The following PRKDC variants were observed in gnomAD, a reference collection of about 807,000 sequenced individuals.
The protein encoded by PRKDC is protein kinase, DNA-activated, catalytic subunit.
In PRKDC, 82 loss-of-function variants were observed where a neutral mutation model predicts 486.9. The observed-to-expected ratio is 0.17, with a 90% confidence interval of 0.14 to 0.20. The LOEUF is 0.20. Ranked by LOEUF, PRKDC falls within the 10% of genes least tolerant of loss-of-function variation. PRKDC has a pLI of 1.00. For missense variants in PRKDC, 4,504 were observed against 5,038.2 expected (o/e 0.89, Z 3.21); for synonymous variants, 1,895 against 1,837.0 (o/e 1.03, Z -0.81).
Position 47,960,087 on chromosome 8 carries a change from G to C in PRKDC, c.40C>G (p.Arg14Gly). Reference sequence around the variant, plus strand: ...GCAGCGGACAAGGTCTCCTGCAGCCGCAGCAGGGAGCAACGCACACCGGCT... The same window carrying C: ...GCAGCGGACAAGGTCTCCTGCAGCCCCAGCAGGGAGCAACGCACACCGGCT... The part of the protein sequence containing the change: ...SGAGVRCSLL[R>G]LQETLSAADR... The change falls in exon 1 of 86, where the codon CGG becomes GGG. Residue 14 changes from arginine (R) to glycine (G), a missense_variant. Arg to Gly is a moderately radical substitution (Grantham distance 125). Coordinates refer to ENST00000314191, the MANE Select transcript of PRKDC (RefSeq NM_006904.7). 6.5e-7 allele frequency: 1 copy of C among 1,528,808 alleles called. No homozygotes were observed. 94.7% of individuals were successfully genotyped at this position (1,528,808 alleles called of 1,614,324 possible).
chr8:47,815,082 C>T (rs963516416), intron 68 of PRKDC, among the ~76,000 whole-genome samples: 1 of 152,140 alleles, frequency 6.6e-6, no homozygotes, highest in Non-Finnish European at 1.5e-5. Context: ...GGGAGGACTG[C>T]TTAAACCTGG....
intron 17 of PRKDC, 104 bp from the exon 18 acceptor site, chr8:47,930,116 C>T (rs1232603642): frequency 1.0e-6 from 1 of 961,572 alleles, no homozygotes; most frequent in Non-Finnish European, 1.5e-6. Context: ...CATCACGTAA[C>T]ATTTTGAGGT....
intron 7 of PRKDC, among the ~76,000 whole-genome samples, chr8:47,949,326 C>T (rs1233334516): frequency 6.6e-6 from 1 of 152,206 alleles, no homozygotes; most frequent in Non-Finnish European, 1.5e-5. Context: ...CTCCTAACCA[C>T]GCAAGTCACT....
chr8:47,861,392 G>A (rs1358940637), intron 44 of PRKDC, among the ~76,000 whole-genome samples: 1 of 152,196 alleles, frequency 6.6e-6, no homozygotes, highest in Non-Finnish European at 1.5e-5. Flanking sequence ...TGCTAATTTT[G>A]TTGTTTTTTA....
In PRKDC at chr8:47,932,980, C is replaced by T. The variant is rs968935590; in HGVS notation, c.1776+40G>A. On this transcript the variant is annotated intron_variant, in intron 16 of 85. Transcript: ENST00000314191. ...TATTTATATGCAAAGACAGCTGATACAAAAATGATGAAAAATTACTACTGA... is the reference window on the plus strand; with the variant it reads ...TATTTATATGCAAAGACAGCTGATATAAAAATGATGAAAAATTACTACTGA... The T allele has an allele frequency of 2.6e-6, 4 of 1,519,764 alleles. No individual in the cohort carries two copies. In the South Asian group the frequency reaches 3.8e-5, roughly 15 times the overall value. The allele number at this position is 1,519,764 out of a possible 1,614,324, so 94.1% of individuals were successfully genotyped here.
At chr8:47,799,179 T>C (rs189633984) in intron 72 of PRKDC, 31 bp downstream of exon 72, 246 of 1,612,408 alleles carry the variant, frequency 1.5e-4, no homozygotes, top group Non-Finnish European at 1.6e-4. Context: ...GCTGACATAA[T>C]GGAACACTAG....
At chr8:47,890,534 G>C (rs1380881743) in intron 31 of PRKDC, 54 bp from the exon 32 acceptor site, 2 of 1,351,384 alleles carry the variant, frequency 1.5e-6, no homozygotes, top group Non-Finnish European at 2.0e-6. Flanking sequence ...ACTCCACTAA[G>C]ATTAACATAA....
At chr8:47,928,791 C>T (rs932786963) in intron 19 of PRKDC, among the ~76,000 whole-genome samples, 2 of 152,114 alleles carry the variant, frequency 1.3e-5, no homozygotes, top group Non-Finnish European at 2.9e-5. Context: ...TCAATCAGTT[C>T]TCCTGCCTCA....
Position 47,887,621 on chromosome 8 carries a change from G to C in PRKDC, c.4498C>G (p.Leu1500Val), listed in dbSNP as rs769975720. The change falls in exon 35 of 86, where the codon CTG becomes GTG. Residue 1500 changes from leucine (L) to valine (V), a missense_variant. By Grantham distance (32) the Leu-to-Val change is conservative. This residue lies in a region of PRKDC where 1,969 missense variants were observed against 2,068.9 expected (regional missense o/e 0.95). Coordinates refer to ENST00000314191, the MANE Select transcript of PRKDC (RefSeq NM_006904.7). ...GIAPGDERQC[L>V]PSLDLSCKQL... Reference sequence around the variant, plus strand: ...TTACAACTGAGGTCTAGAGAAGGCAGACACTGTCTCTCATCTCCAGGGGCA... The same window carrying C: ...TTACAACTGAGGTCTAGAGAAGGCACACACTGTCTCTCATCTCCAGGGGCA... The C allele has an allele frequency of 6.2e-7, 1 of 1,605,662 alleles. No homozygotes were observed. The highest frequency in any genetic ancestry group is 8.5e-7 in the Non-Finnish European group (1 of 1,176,086).
In PRKDC at chr8:47,900,421, T is replaced by C. The variant is rs187301050; in HGVS notation, c.3316A>G (p.Ile1106Val). 1 of 1,611,956 alleles carries C rather than the reference T, an allele frequency of 6.2e-7. No individual in the cohort carries two copies. The highest frequency in any genetic ancestry group is 1.3e-5 in the African/African-American group (1 of 75,016). ...GCTAAGGCCAGACTCTCCATGTATA[T>C]CACCAAGGCTTCAAACACAAACTGT... ...VEQFVFEALV[I>V]YMESLALAHA... Residue 1106 changes from isoleucine to valine, a missense_variant, in exon 28 of 86, where the codon ATA (isoleucine) becomes GTA (valine). Ile to Val is a conservative substitution (Grantham distance 29, BLOSUM62 3). Transcript: ENST00000314191.
In PRKDC at chr8:47,909,215, G is replaced by C. The variant is rs147442090; in HGVS notation, c.2934+3195C>G. ...TCAGGGACCCCACACGGAGGGACCG[G>C]TTGGAGCCGAGGCAGAAGAACGTAA... is the stretch of plus-strand genomic sequence containing the variant. On this transcript the variant is annotated intron_variant, in intron 25 of 85. Coordinates refer to ENST00000314191, the MANE Select transcript of PRKDC (RefSeq NM_006904.7). Among the ~76,000 whole-genome samples the C allele has an allele frequency of 5.3e-5, 8 of 152,336 alleles. No homozygotes were observed. The East Asian group carries it at 1.5e-3, about 29-fold the overall frequency.
At chr8:47,953,577 T>C (rs377512528) in intron 7 of PRKDC, 43 bp downstream of exon 7, 57 of 1,522,974 alleles carry the variant, frequency 3.7e-5, no homozygotes, top group Non-Finnish European at 4.6e-5. Flanking sequence ...TGGTTAGACT[T>C]ACAGTTTTTG....
At chr8:47,853,976 T>C (rs1030499946) in intron 51 of PRKDC, 107 bp downstream of exon 51, 2 of 1,393,610 alleles carry the variant, frequency 1.4e-6, no homozygotes, top group East Asian at 2.5e-5. Flanking sequence ...CCAGAAACAT[T>C]TGTAGCATGG....
Position 47,815,445 on chromosome 8 carries a change from A to G in PRKDC, c.9557+2005T>C, listed in dbSNP as rs796837573. Reference sequence around the variant, plus strand: ...TTCTTCCAGTGCATCAGAGACCTCAATGTAAGACCTAAAACCATAACATTT... The same window carrying G: ...TTCTTCCAGTGCATCAGAGACCTCAGTGTAAGACCTAAAACCATAACATTT... On this transcript the variant is annotated intron_variant, in intron 68 of 85. Transcript: ENST00000314191. 4.3e-4 allele frequency among the ~76,000 whole-genome samples: 65 copies of G among 152,352 alleles called. 1 individual carries two copies. Among genetic ancestry groups the G allele is most frequent in the African/African-American group, 1.5e-3 (61 of 41,586 alleles).
intron 14 of PRKDC, 47 bp from the exon 15 acceptor site, chr8:47,934,137 AGCAGCACTGCTG>A: frequency 6.4e-7 from 1 of 1,555,242 alleles, no homozygotes. Flanking sequence ...GATTCTCAGA[AGCAGCACTGCTG>A]CCAGAACATG....
chr8:47,845,933 G>A (rs535904072), intron 54 of PRKDC, among the ~76,000 whole-genome samples: 9 of 152,250 alleles, frequency 5.9e-5, no homozygotes, highest in Non-Finnish European at 7.4e-5. Flanking sequence ...AATCCTCAAC[G>A]AAATACTAGC....
chr8:47,800,772 A>G lies in PRKDC; in HGVS notation c.10116+21T>C, dbSNP rs1192429435. The G allele has an allele frequency of 5.7e-6, 9 of 1,586,708 alleles. No individual in the cohort carries two copies. In the Admixed American group the frequency reaches 1.5e-4, roughly 26 times the overall value. ...GAAGACATACACAGCACACTAGCGT[A>G]AAACATTCCTCCAGTATTACCTTCT... On this transcript the variant is annotated intron_variant, in intron 71 of 85. Transcript: ENST00000314191.
intron 34 of PRKDC, among the ~76,000 whole-genome samples, chr8:47,888,087 G>A (rs1009356077): frequency 6.6e-6 from 1 of 152,022 alleles, no homozygotes; most frequent in Non-Finnish European, 1.5e-5. Context: ...CATGTTGCCT[G>A]GGTCGGTCTC....
At chr8:47,936,895 G>T (rs1237173982) in intron 11 of PRKDC, among the ~76,000 whole-genome samples, 1 of 150,468 alleles carries the variant, frequency 6.6e-6, no homozygotes, top group Non-Finnish European at 1.5e-5. Context: ...AAAGTGCTGG[G>T]ATTACAGGCG....
Sources: allele counts gnomAD v4.1 joint callset (sites outside exome capture counted in the v4.1 genomes callset), GRCh38; gene constraint gnomAD v4.1.1; regional missense constraint gnomAD v4.1.1; transcripts MANE v1.5; gene names NCBI Gene and HGNC (gene_info 2026-07-23, HGNC 2026-07-21).